Variants in FBXO31 observed in about 807,000 individuals in gnomAD.
FBXO31 encodes the protein F-box protein 31.
Under a neutral mutation model 54.4 loss-of-function variants are expected in FBXO31, and 24 were observed. The observed-to-expected ratio is 0.44, with a 90% CI of 0.32 to 0.62. FBXO31 has a LOEUF of 0.62. Ranked by LOEUF, FBXO31 falls within the 20% of genes least tolerant of loss-of-function variation. The pLI, the probability that FBXO31 is intolerant of heterozygous loss-of-function variation, is 0.05. For synonymous variants in FBXO31, 388 were observed against 335.6 expected (o/e 1.16, Z -1.71); for missense variants, 665 against 787.1 (o/e 0.84, Z 1.86).
chr16:87,374,763 C>T (rs928318933), intron 1 of FBXO31, among the ~76,000 whole-genome samples: 1 of 152,174 alleles, frequency 6.6e-6, no homozygotes, highest in South Asian at 2.1e-4. Flanking sequence ...GGGAGGAGTA[C>T]GCGCCTGAGT....
chr16:87,344,237 C>CGGAGG (rs1252269321), intron 3 of FBXO31, among the ~76,000 whole-genome samples: 1 of 152,220 alleles, frequency 6.6e-6, no homozygotes, highest in Non-Finnish European at 1.5e-5. Flanking sequence ...GGGCGCTGCC[C>CGGAGG]GGAGGGACGG....
At chr16:87,353,513 C>T (rs1168635533) in intron 2 of FBXO31, among the ~76,000 whole-genome samples, 1 of 152,220 alleles carries the variant, frequency 6.6e-6, no homozygotes, top group Non-Finnish European at 1.5e-5. Context: ...GTTGTCCTTC[C>T]GAGAAGACAG....
chr16:87,354,851 C>T (rs1458551533), intron 2 of FBXO31, among the ~76,000 whole-genome samples: 3 of 152,024 alleles, frequency 2.0e-5, no homozygotes, highest in African/African-American at 7.3e-5. Flanking sequence ...GCCTGTAATC[C>T]CAGCTACTCA....
chr16:87,353,784 G>A lies in FBXO31; in HGVS notation c.412+6511C>T, dbSNP rs146621005. Among the ~76,000 whole-genome samples, 87 of 150,714 alleles carry A rather than the reference G, an allele frequency of 5.8e-4. 6 individuals carry two copies. Among genetic ancestry groups the A allele is most frequent in the Non-Finnish European group, 1.0e-3 (69 of 66,900 alleles). ...CTGTGAGAGGCGGGAAGGAGGCTCC[G>A]CAAGACCCTTCGGCGGGAGCAGGGC... is the stretch of plus-strand genomic sequence containing the variant. On this transcript the variant is annotated intron_variant, in intron 2 of 8. Coordinates refer to ENST00000311635, the MANE Select transcript of FBXO31 (RefSeq NM_024735.5).
chr16:87,334,808 T>G (rs71390887), intron 7 of FBXO31, among the ~76,000 whole-genome samples: 2,151 of 152,272 alleles, frequency 0.014, 20 homozygotes, highest in Non-Finnish European at 0.022. Flanking sequence ...CCAGGAGCCC[T>G]GGCATGGGAC....
chr16:87,344,298 G>C (rs891093), intron 3 of FBXO31, among the ~76,000 whole-genome samples: 1 of 152,106 alleles, frequency 6.6e-6, no homozygotes, highest in African/African-American at 2.4e-5. Context: ...GAAGTGCAGG[G>C]GAGGAGAGAG....
rs552899021 is a variant in FBXO31 at position 87,335,650 on chromosome 16, G to A, written c.843-193C>T. Among the ~76,000 whole-genome samples the A allele has an allele frequency of 1.8e-4, 28 of 152,262 alleles. No individual in the cohort carries two copies. The South Asian group carries it at 3.9e-3, about 21-fold the overall frequency. On this transcript the variant is annotated intron_variant, in intron 6 of 8. Coordinates refer to ENST00000311635, the MANE Select transcript of FBXO31 (RefSeq NM_024735.5). The surrounding 1 kb of genome is among the most constrained non-coding windows in gnomAD (Gnocchi z 5.7). ...CCTCACCCCCACCACCCACCAGCACGCACGCTTCCAACAGGACTTCTGGGG... is the reference window on the plus strand; with the variant it reads ...CCTCACCCCCACCACCCACCAGCACACACGCTTCCAACAGGACTTCTGGGG...
rs766095239 is a variant in FBXO31 at position 87,334,104 on chromosome 16, G to A, written c.1179C>T (p.Gly393=). ...EGGHEAGEGR[G]RQGPRESQPS... ...GCTGGGACTCCCGGGGGCCCTGCCG[G>A]CCACGACCCTCGCCCGCCTCGTGCC... Residue 393 remains glycine, a synonymous_variant, in exon 8 of 9, where the codon GGC becomes GGT. Transcript: ENST00000311635. 1.2e-6 allele frequency: 2 copies of A among 1,610,340 alleles called. No individual in the cohort carries two copies. Among genetic ancestry groups the A allele is most frequent in the South Asian group, 1.1e-5 (1 of 90,888 alleles).
At chr16:87,347,082 T>A in intron 3 of FBXO31, 92 bp downstream of exon 3, 1 of 1,165,506 alleles carries the variant, frequency 8.6e-7, no homozygotes, top group Non-Finnish European at 1.3e-6. Context: ...CTGGGCCAGC[T>A]TGTACCCAGG....
intron 5 of FBXO31, among the ~76,000 whole-genome samples, chr16:87,341,771 GATCATCTTC>G (rs2150673036): frequency 6.6e-6 from 1 of 151,630 alleles, no homozygotes; most frequent in East Asian, 1.9e-4. Context: ...TTCCGTTACT[GATCATCTTC>G]ACATGCCATC....
At chr16:87,372,137 T>A (rs1462453579) in intron 1 of FBXO31, among the ~76,000 whole-genome samples, 2 of 151,896 alleles carry the variant, frequency 1.3e-5, no homozygotes, top group Non-Finnish European at 2.9e-5. Context: ...GGAAGGAGGA[T>A]CATATGAACC....
upstream of FBXO31, chr16:87,383,973 G>A (rs1456782987): frequency 4.1e-6 from 1 of 245,772 alleles, no homozygotes; most frequent in African/African-American, 2.3e-5. The surrounding 1 kb of genome is among the most constrained non-coding windows in gnomAD (Gnocchi z 4.9). Context: ...CGCCGCCCGT[G>A]ACGGGCATGA....
chr16:87,368,221 C>T (rs1400466704), intron 1 of FBXO31, among the ~76,000 whole-genome samples: 1 of 152,168 alleles, frequency 6.6e-6, no homozygotes, highest in African/African-American at 2.4e-5. Flanking sequence ...CTACTGTCAC[C>T]AAAAGGTCAC....
upstream of FBXO31, among the ~76,000 whole-genome samples, chr16:87,388,463 G>T (rs1907401870): frequency 6.6e-6 from 1 of 152,238 alleles, no homozygotes; most frequent in Non-Finnish European, 1.5e-5. Flanking sequence ...GGCCTATAGT[G>T]GTGCAGACGA....
chr16:87,347,455 C>T (rs559369100), intron 2 of FBXO31, among the ~76,000 whole-genome samples: 3 of 152,140 alleles, frequency 2.0e-5, no homozygotes, highest in East Asian at 1.9e-4. Flanking sequence ...GCACTTTGGG[C>T]GGATTACAAG....
Position 87,327,475 on chromosome 16 carries a change from T to G in FBXO31, c.*3813A>C. The G allele has an allele frequency of 6.6e-6, 1 of 152,294 alleles. No homozygotes were observed. The highest frequency in any genetic ancestry group is 1.9e-4 in the East Asian group (1 of 5,180). The allele number at this position is 152,294 out of a possible 1,614,324, so 9.4% of individuals were successfully genotyped here. On this transcript the variant is annotated 3_prime_UTR_variant, in exon 9 of 9. Coordinates refer to ENST00000311635, the MANE Select transcript of FBXO31 (RefSeq NM_024735.5). ...GAGTTCGAGACCAACCTGAGCAACA[T>G]GGCAAAACTCCATCTCTACAAAAAC...
At chr16:87,357,327 C>CTTTTT (rs34678078) in intron 2 of FBXO31, among the ~76,000 whole-genome samples, 4 of 123,412 alleles carry the variant, frequency 3.2e-5, no homozygotes, top group Non-Finnish European at 5.1e-5. Context: ...GAATTCGGTT[C>CTTTTT]TTTTTTTTTT....
intron 1 of FBXO31, among the ~76,000 whole-genome samples, chr16:87,377,918 G>T (rs1906899410): frequency 6.6e-6 from 1 of 151,986 alleles, no homozygotes; most frequent in Non-Finnish European, 1.5e-5. Flanking sequence ...AGCACTTTGG[G>T]AGCCCGAGGC....
intron 2 of FBXO31, among the ~76,000 whole-genome samples, chr16:87,353,681 G>C (rs1905765328): frequency 6.7e-6 from 1 of 150,064 alleles, no homozygotes; most frequent in Non-Finnish European, 1.5e-5. Context: ...GCCTGTGAGA[G>C]GCGGGAAGGA....
Sources: allele counts gnomAD v4.1 joint callset (sites outside exome capture counted in the v4.1 genomes callset), GRCh38; gene constraint gnomAD v4.1.1; non-coding constraint Gnocchi (gnomAD v3.1); transcripts MANE v1.5; gene names NCBI Gene and HGNC (gene_info 2026-07-23, HGNC 2026-07-21).